The following POLD3 variants were observed in gnomAD, a reference collection of about 807,000 sequenced individuals.
POLD3 encodes DNA polymerase delta subunit 3.
A neutral mutation model predicts 58.2 loss-of-function variants in POLD3; 19 were observed. That is an observed-to-expected ratio of 0.33 (90% CI 0.23 to 0.48). The LOEUF (loss-of-function observed/expected upper bound fraction) is 0.48. Ranked by LOEUF, POLD3 falls within the 20% of genes least tolerant of loss-of-function variation. The pLI, the probability that POLD3 is intolerant of heterozygous loss-of-function variation, is 0.99. For synonymous variants in POLD3, 172 were observed against 193.5 expected, an observed-to-expected ratio of 0.89 and a Z score of 0.92; for missense variants, 504 against 545.5, an observed-to-expected ratio of 0.92 and a Z score of 0.76.
intron 5 of POLD3, among the ~76,000 whole-genome samples, chr11:74,617,568 A>G (rs1352531405): frequency 2.0e-5 from 3 of 151,996 alleles, no homozygotes; most frequent in African/African-American, 7.3e-5. Flanking sequence ...CGCCCAGCTA[A>G]TTTTTGTATT....
rs1591322922 is a variant in POLD3 at position 74,642,129 on chromosome 11, A to G, written c.*1363A>G. ...GATGGTGTATGTCGTAAGTGATGCAATCAGCTGTCTGCTTTTTAAGGTTGG... is the reference window on the plus strand; with the variant it reads ...GATGGTGTATGTCGTAAGTGATGCAGTCAGCTGTCTGCTTTTTAAGGTTGG... On this transcript the variant is annotated 3_prime_UTR_variant, in exon 12 of 12. Coordinates refer to ENST00000263681, the MANE Select transcript of POLD3 (RefSeq NM_006591.3). 3.0e-6 allele frequency: 3 copies of G among 985,320 alleles called. No homozygotes were observed. The highest frequency in any genetic ancestry group is 1.1e-4 in the East Asian group (1 of 8,828). 61.0% of individuals were successfully genotyped at this position (985,320 alleles called of 1,614,324 possible).
rs116830096 is a variant in POLD3 at position 74,638,237 on chromosome 11, G to A, written c.1198+1962G>A. On this transcript the variant is annotated intron_variant, in intron 11 of 11. Transcript: ENST00000263681. The stretch of plus-strand genomic sequence containing the variant: ...AGACCTCCTTTTTTCTGGGGTTTGC[G>A]GTAGCTACAGCTTTGAATATAGAAA... Among the ~76,000 whole-genome samples the A allele has an allele frequency of 7.4e-3, 1,123 of 152,004 alleles. 19 individuals are homozygous for A. Among genetic ancestry groups the A allele is most frequent in the African/African-American group, 0.025 (1,049 of 41,468 alleles).
At chr11:74,634,031 T>C (rs2032674567) in intron 9 of POLD3, among the ~76,000 whole-genome samples, 1 of 152,218 alleles carries the variant, frequency 6.6e-6, no homozygotes, top group Non-Finnish European at 1.5e-5. Context: ...ACATTTGTTA[T>C]AACCTGAGGA....
Position 74,609,409 on chromosome 11 carries a change from T to G in POLD3, c.220-2090T>G, listed in dbSNP as rs2031828790. Among the ~76,000 whole-genome samples the G allele has an allele frequency of 7.2e-5, 2 of 27,852 alleles. 1 individual carries two copies. The highest frequency in any genetic ancestry group is 1.2e-4 in the Non-Finnish European group (2 of 17,064). The allele number at this position is 27,852 out of a possible 152,430, so 18.3% of individuals were successfully genotyped here. On this transcript the variant is annotated intron_variant, in intron 3 of 11. Coordinates refer to ENST00000263681, the MANE Select transcript of POLD3 (RefSeq NM_006591.3). The stretch of plus-strand genomic sequence containing the variant: ...TTTTTTTTTTTTTTTGAGATGGACT[T>G]TTGCCTGTTGGCCAAGCATTGGAGT...
chr11:74,640,761 A>G lies in POLD3; in HGVS notation c.1396A>G (p.Lys466Glu). 6.3e-7 allele frequency: 1 copy of G among 1,585,324 alleles called. No individual in the cohort carries two copies. Among genetic ancestry groups the G allele is most frequent in the Admixed American group, 1.9e-5 (1 of 53,334 alleles). The change falls in exon 12 of 12, where the codon AAA (lysine) becomes GAA (glutamate). Residue 466 changes from lysine to glutamate, a missense_variant. Physicochemically the swap from Lys to Glu is moderately conservative, Grantham distance 56 (BLOSUM62 1). Coordinates refer to ENST00000263681, the MANE Select transcript of POLD3 (RefSeq NM_006591.3). ...QVSITGFFQR[K>E] ...GTCCATTACTGGCTTCTTCCAGAGG[A>G]AATAAACTGCCATCTCTGGTAGATC...
chr11:74,667,462 G>A (rs911327452), intron 4 of POLD3, among the ~76,000 whole-genome samples: 8 of 152,168 alleles, frequency 5.3e-5, no homozygotes, highest in African/African-American at 1.4e-4. Context: ...CCCGGGGGGC[G>A]GAGCTTGCAG....
intron 9 of POLD3, 43 bp downstream of exon 9, chr11:74,629,366 C>T: frequency 9.0e-7 from 1 of 1,109,574 alleles, no homozygotes; most frequent in Non-Finnish European, 1.3e-6. Flanking sequence ...ATCAATTTTA[C>T]TTTCAATGTT....
At chr11:74,662,654 G>T (rs2033219013) in intron 4 of POLD3, among the ~76,000 whole-genome samples, 2 of 152,030 alleles carry the variant, frequency 1.3e-5, no homozygotes. Flanking sequence ...GAGGAGGAGT[G>T]GCACAAGCAC....
intron 4 of POLD3, among the ~76,000 whole-genome samples, chr11:74,660,432 T>C (rs1028374899): frequency 1.3e-5 from 2 of 152,214 alleles, no homozygotes; most frequent in Non-Finnish European, 2.9e-5. Context: ...TTAAGGTCAA[T>C]AACTCTTAGA....
At position 74,592,623 on chromosome 11, in the gene POLD3, AG is replaced by A; in HGVS notation, c.-35del. 6.2e-7 allele frequency: 1 copy of A among 1,611,928 alleles called. No homozygotes were observed. The highest frequency in any genetic ancestry group is 8.5e-7 in the Non-Finnish European group (1 of 1,178,954). ...GGCGGGAGCTGTGGCTGTGATTGAGAGAGGGGTTAGAGGCGGGTCCCAGCGC... is the reference window on the plus strand; with the variant it reads ...GGCGGGAGCTGTGGCTGTGATTGAGAAGGGGTTAGAGGCGGGTCCCAGCGC... On this transcript the variant is annotated 5_prime_UTR_variant, in exon 1 of 12. Transcript: ENST00000263681.
At chr11:74,593,843 CT>C (rs1345221513) in intron 1 of POLD3, among the ~76,000 whole-genome samples, 1 of 152,170 alleles carries the variant, frequency 6.6e-6, no homozygotes, top group Non-Finnish European at 1.5e-5. Flanking sequence ...TTTTAGATTA[CT>C]TTTCATTAGT....
chr11:74,618,189 T>G (rs2032137871), intron 5 of POLD3, among the ~76,000 whole-genome samples: 1 of 151,830 alleles, frequency 6.6e-6, no homozygotes, highest in Non-Finnish European at 1.5e-5. Flanking sequence ...CTTTTATTAT[T>G]GTTGGTTGCA....
intron 5 of POLD3, 49 bp downstream of exon 5, chr11:74,613,059 A>G (rs1414939615): frequency 1.3e-6 from 2 of 1,565,232 alleles, no homozygotes; most frequent in East Asian, 2.2e-5. Context: ...TTGATTTTGT[A>G]AGATGTTTAC....
At chr11:74,606,030 A>G (rs914958527) in intron 3 of POLD3, among the ~76,000 whole-genome samples, 2 of 152,204 alleles carry the variant, frequency 1.3e-5, no homozygotes, top group Non-Finnish European at 2.9e-5. Context: ...GGCTGCAGCG[A>G]GCTGTGATTG....
At chr11:74,668,148 G>A (rs1419590998) in intron 4 of POLD3, among the ~76,000 whole-genome samples, 1 of 152,202 alleles carries the variant, frequency 6.6e-6, no homozygotes, top group African/African-American at 2.4e-5. Flanking sequence ...AATGGTGCAG[G>A]CACTTTGGGA....
intron 11 of POLD3, among the ~76,000 whole-genome samples, chr11:74,637,582 G>A (rs544814841): frequency 2.6e-5 from 4 of 151,864 alleles, no homozygotes; most frequent in African/African-American, 9.7e-5. Context: ...AAAAACATTG[G>A]TGCCAGTTTT....
chr11:74,639,411 T>A (rs2032846161), intron 11 of POLD3, among the ~76,000 whole-genome samples: 1 of 152,196 alleles, frequency 6.6e-6, no homozygotes, highest in Non-Finnish European at 1.5e-5. Context: ...TCATTGTTCT[T>A]TAATGGAAAA....
chr11:74,604,242 T>A (rs1432037400), intron 2 of POLD3, among the ~76,000 whole-genome samples: 1 of 152,216 alleles, frequency 6.6e-6, no homozygotes, highest in Non-Finnish European at 1.5e-5. Context: ...GGGTTATAGA[T>A]GGCCACCTGA....
intron 7 of POLD3, among the ~76,000 whole-genome samples, chr11:74,623,440 A>C (rs1289641409): frequency 6.6e-6 from 1 of 152,148 alleles, no homozygotes; most frequent in South Asian, 2.1e-4. Context: ...GTCTCAAAAA[A>C]TATATAAATA....
Sources: gnomAD v4.1 joint callset for allele counts (sites outside exome capture counted in the v4.1 genomes callset) on GRCh38, gnomAD v4.1.1 for gene constraint, MANE v1.5 for transcripts, NCBI Gene and HGNC (gene_info 2026-07-23, HGNC 2026-07-21) for gene names.